Variants in CPE observed in about 807,000 individuals in gnomAD.
The protein encoded by CPE is carboxypeptidase E, also known as carbocypeptidase E.
CPE carries 17 observed loss-of-function variants against 53.5 expected under a neutral mutation model. The observed-to-expected ratio is 0.32, with a 90% CI of 0.22 to 0.48. The LOEUF is 0.48. Among genes scored for constraint, CPE ranks in the 20% least tolerant of loss-of-function variants. The pLI is 0.99. For synonymous variants in CPE, 226 were observed against 228.8 expected (o/e 0.99, Z 0.11); for missense variants, 524 against 614.7 (o/e 0.85, Z 1.56).
chr4:165,441,104 CA>C (rs1402229624), intron 1 of CPE, among the ~76,000 whole-genome samples: 1 of 152,102 alleles, frequency 6.6e-6, no homozygotes, highest in Non-Finnish European at 1.5e-5. Flanking sequence ...GCAGTATTCC[CA>C]GGGGGTGACC....
chr4:165,461,045 T>C (rs902895141), intron 1 of CPE, among the ~76,000 whole-genome samples: 21 of 150,800 alleles, frequency 1.4e-4, no homozygotes, highest in East Asian at 5.9e-4. Flanking sequence ...TGCACACCCA[T>C]AGTCCTAGCT....
intron 1 of CPE, among the ~76,000 whole-genome samples, chr4:165,384,847 A>G (rs1380340471): frequency 6.6e-6 from 1 of 152,192 alleles, no homozygotes; most frequent in Admixed American, 6.5e-5. Flanking sequence ...TTTTCCCTCC[A>G]TAAACAGCTA....
intron 1 of CPE, among the ~76,000 whole-genome samples, chr4:165,424,374 G>A (rs1731281066): frequency 1.3e-5 from 2 of 148,632 alleles, no homozygotes; most frequent in African/African-American, 2.5e-5. Context: ...AATGTCTTAG[G>A]CTTTTTTCTT....
chr4:165,486,090 A>G (rs1471629627), intron 5 of CPE, among the ~76,000 whole-genome samples: 1 of 152,142 alleles, frequency 6.6e-6, no homozygotes, highest in African/African-American at 2.4e-5. Flanking sequence ...GTGGCTCCAT[A>G]TCTGTCAGCC....
At chr4:165,493,047 TA>T in intron 6 of CPE, 123 bp from the exon 7 acceptor site, 1 of 592,998 alleles carries the variant, frequency 1.7e-6, no homozygotes, top group East Asian at 3.0e-5. Flanking sequence ...TCTTGATTCT[TA>T]AACAATGGGG....
chr4:165,454,752 C>T (rs901275804), intron 1 of CPE, among the ~76,000 whole-genome samples: 3 of 152,186 alleles, frequency 2.0e-5, no homozygotes, highest in Non-Finnish European at 2.9e-5. Flanking sequence ...ACTATGATGA[C>T]GTACAGTTTT....
chr4:165,489,689 G>GA (rs1331013517), intron 6 of CPE, among the ~76,000 whole-genome samples: 1 of 151,806 alleles, frequency 6.6e-6, no homozygotes, highest in Non-Finnish European at 1.5e-5. Flanking sequence ...TAGTTCTTGA[G>GA]AAAAAAAATA....
At chr4:165,420,139 A>G (rs1579253072) in intron 1 of CPE, among the ~76,000 whole-genome samples, 2 of 151,882 alleles carry the variant, frequency 1.3e-5, no homozygotes, top group Admixed American at 1.3e-4. Flanking sequence ...TTATCTCTTT[A>G]ATTATTTTCT....
chr4:165,390,767 A>T (rs1241715768), intron 1 of CPE, among the ~76,000 whole-genome samples: 1 of 152,054 alleles, frequency 6.6e-6, no homozygotes, highest in Non-Finnish European at 1.5e-5. Flanking sequence ...TTTCCTCTCC[A>T]CTAGTTAACT....
At chr4:165,438,477 T>C (rs4461476) in intron 1 of CPE, among the ~76,000 whole-genome samples, 55,968 of 151,946 alleles carry the variant, frequency 0.37, 10,497 homozygotes, top group Middle Eastern at 0.47. Context: ...TCCCCCTCCA[T>C]TGGTGTATTT....
intron 3 of CPE, among the ~76,000 whole-genome samples, chr4:165,476,021 C>T (rs952026007): frequency 6.6e-6 from 1 of 152,174 alleles, no homozygotes; most frequent in Admixed American, 6.5e-5. Flanking sequence ...AGTCATGTGG[C>T]ACAAAGGTAT....
At chr4:165,422,208 A>G (rs1579253863) in intron 1 of CPE, among the ~76,000 whole-genome samples, 1 of 152,090 alleles carries the variant, frequency 6.6e-6, no homozygotes, top group South Asian at 2.1e-4. Context: ...CTTAACACCA[A>G]TTTAAGAAGT....
intron 1 of CPE, among the ~76,000 whole-genome samples, chr4:165,442,032 T>TG (rs1262529570): frequency 1.9e-4 from 20 of 105,102 alleles, no homozygotes; most frequent in African/African-American, 6.3e-4. Flanking sequence ...TGTTTTTTTT[T>TG]TTTGTTTTTT....
At chr4:165,446,981 A>T (rs1185594970) in intron 1 of CPE, among the ~76,000 whole-genome samples, 1 of 152,228 alleles carries the variant, frequency 6.6e-6, no homozygotes, top group African/African-American at 2.4e-5. Context: ...CATGTAGGTT[A>T]TGTGGTATAG....
chr4:165,429,370 C>A (rs1308072580), intron 1 of CPE, among the ~76,000 whole-genome samples: 1 of 152,140 alleles, frequency 6.6e-6, no homozygotes, highest in Non-Finnish European at 1.5e-5. Context: ...CAAAAACATT[C>A]CCACTTATTG....
At chr4:165,438,200 C>T (rs1731543578) in intron 1 of CPE, among the ~76,000 whole-genome samples, 1 of 152,056 alleles carries the variant, frequency 6.6e-6, no homozygotes. Context: ...ACTATTTTAA[C>T]AGACCCAGTG....
At chr4:165,476,221 C>A (rs954353549) in intron 3 of CPE, among the ~76,000 whole-genome samples, 21 of 152,140 alleles carry the variant, frequency 1.4e-4, no homozygotes, top group African/African-American at 4.6e-4. Flanking sequence ...GTAGGCCAAG[C>A]GGGCAACTTG....
chr4:165,445,614 A>G (rs1731700583), intron 1 of CPE, among the ~76,000 whole-genome samples: 1 of 152,186 alleles, frequency 6.6e-6, no homozygotes, highest in Non-Finnish European at 1.5e-5. Context: ...CAACTCCCAC[A>G]TGAAGAAAGA....
At chr4:165,391,143 T>TATTTTAAA (rs1219803214) in intron 1 of CPE, among the ~76,000 whole-genome samples, 1 of 152,208 alleles carries the variant, frequency 6.6e-6, no homozygotes, top group Non-Finnish European at 1.5e-5. Flanking sequence ...GTTTTAAAAC[T>TATTTTAAA]GTTATTCTTG....
Sources: gnomAD v4.1 joint callset for allele counts (sites outside exome capture counted in the v4.1 genomes callset) on GRCh38, gnomAD v4.1.1 for gene constraint, MANE v1.5 for transcripts, NCBI Gene and HGNC (gene_info 2026-07-23, HGNC 2026-07-21) for gene names.